Variants in ANKS1B observed in about 807,000 individuals in gnomAD.
ANKS1B encodes ankyrin repeat and sterile alpha motif domain-containing protein 1B.
Under a neutral mutation model 148.3 loss-of-function variants are expected in ANKS1B, and 36 were observed. The ratio of observed to expected loss-of-function variants is 0.24; its 90% CI spans 0.19 to 0.32. The LOEUF (loss-of-function observed/expected upper bound fraction) is 0.32. ANKS1B is among the 10% of genes least tolerant of loss of function. ANKS1B has a pLI of 1.00. For missense variants in ANKS1B, 1,157 were observed against 1,542.6 expected (o/e 0.75, Z 4.19); for synonymous variants, 542 against 560.8 (o/e 0.97, Z 0.47).
chr12:99,853,744 A>G (rs1320696965), intron 1 of ANKS1B, among the ~76,000 whole-genome samples: 1 of 152,236 alleles, frequency 6.6e-6, no homozygotes, highest in Non-Finnish European at 1.5e-5. Flanking sequence ...TGTCAGAAAA[A>G]GAATTCAGAA....
chr12:99,316,582 T>C (rs985017693), intron 12 of ANKS1B, among the ~76,000 whole-genome samples: 11 of 152,210 alleles, frequency 7.2e-5, no homozygotes, highest in African/African-American at 2.7e-4. Context: ...CTTTGTCAGA[T>C]GAGTAGGTTG....
At chr12:99,381,564 G>A (rs1213439177) in intron 12 of ANKS1B, among the ~76,000 whole-genome samples, 6 of 152,190 alleles carry the variant, frequency 3.9e-5, no homozygotes, top group Non-Finnish European at 8.8e-5. Flanking sequence ...GGTTTCAAGG[G>A]TTAAGTGCAG....
intron 14 of ANKS1B, among the ~76,000 whole-genome samples, chr12:99,166,335 T>G (rs566964122): frequency 6.6e-6 from 1 of 152,040 alleles, no homozygotes; most frequent in East Asian, 1.9e-4. Flanking sequence ...AACTGCTTCT[T>G]GCTTCTATTC....
chr12:99,807,396 A>T (rs961015748), intron 3 of ANKS1B, among the ~76,000 whole-genome samples: 4 of 152,170 alleles, frequency 2.6e-5, no homozygotes, highest in Admixed American at 2.0e-4. Flanking sequence ...CAAGATTTTT[A>T]AAAATGTTAA....
intron 17 of ANKS1B, among the ~76,000 whole-genome samples, chr12:99,031,109 G>A (rs73386545): frequency 6.6e-6 from 1 of 152,082 alleles, no homozygotes; most frequent in Non-Finnish European, 1.5e-5. Flanking sequence ...TGCTACTAAC[G>A]TAAAATGCCT....
chr12:99,685,602 T>C (rs2098644816), intron 8 of ANKS1B, among the ~76,000 whole-genome samples: 1 of 152,072 alleles, frequency 6.6e-6, no homozygotes, highest in South Asian at 2.1e-4. Flanking sequence ...GAAAAAGAAG[T>C]CATTATATGA....
chr12:98,807,329 C>T (rs900586909), intron 20 of ANKS1B, among the ~76,000 whole-genome samples: 5 of 152,110 alleles, frequency 3.3e-5, no homozygotes, highest in African/African-American at 7.2e-5. Flanking sequence ...AACCGTGCCT[C>T]TCCCAGCTCA....
chr12:99,240,155 T>C (rs184894041), intron 14 of ANKS1B, among the ~76,000 whole-genome samples: 1 of 152,240 alleles, frequency 6.6e-6, no homozygotes, highest in Non-Finnish European at 1.5e-5. Flanking sequence ...CAGTGTGCTG[T>C]ATTCAGGAGA....
At chr12:99,839,984 T>C (rs898144317) in intron 1 of ANKS1B, among the ~76,000 whole-genome samples, 1 of 152,168 alleles carries the variant, frequency 6.6e-6, no homozygotes, top group Non-Finnish European at 1.5e-5. Context: ...GTATCCACTA[T>C]ATACAGGCAC....
Position 99,246,172 on chromosome 12 carries a change from T to C in ANKS1B, c.2346+103A>G, listed in dbSNP as rs1602032625. ...TTCCAGTTGGAGCCGTATGCTTTTT[T>C]TTTTCTTGCTTTTGAAAGAGCTAAA... On this transcript the variant is annotated intron_variant, in intron 13 of 26. Coordinates refer to ENST00000683438, the MANE Select transcript of ANKS1B (RefSeq NM_001352186.2). 9.3e-6 allele frequency: 8 copies of C among 856,508 alleles called. No homozygotes were observed. The South Asian group carries it at 1.1e-4, about 12-fold the overall frequency. 53.1% of individuals were successfully genotyped at this position (856,508 alleles called of 1,614,324 possible). A position where few individuals can be genotyped will look rare whatever the true frequency, so the allele number is the denominator to read the frequency against.
chr12:99,796,152 C>T (rs1472698682), intron 4 of ANKS1B, among the ~76,000 whole-genome samples: 1 of 151,916 alleles, frequency 6.6e-6, no homozygotes, highest in Non-Finnish European at 1.5e-5. Flanking sequence ...AACAGTCGAT[C>T]TGATAATCAA....
intron 10 of ANKS1B, among the ~76,000 whole-genome samples, chr12:99,502,894 C>A (rs908066259): frequency 5.3e-5 from 8 of 152,146 alleles, no homozygotes; most frequent in African/African-American, 1.9e-4. Context: ...TTCACTTGTA[C>A]AAAATTCCCT....
chr12:99,158,694 G>C (rs190590138), intron 14 of ANKS1B, among the ~76,000 whole-genome samples: 2 of 117,608 alleles, frequency 1.7e-5, no homozygotes, highest in East Asian at 5.6e-4. Context: ...TCCAAAGACA[G>C]ACACTAAAAC....
At chr12:99,381,058 A>AATAATTTCAGAGGAGGCTCACAAC (rs1309400235) in intron 12 of ANKS1B, among the ~76,000 whole-genome samples, 1 of 152,070 alleles carries the variant, frequency 6.6e-6, no homozygotes, top group African/African-American at 2.4e-5. Context: ...ATGCTGCCAC[A>AATAATTTCAGAGGAGGCTCACAAC]AGAGGAGGAA....
At chr12:99,575,000 T>C (rs1402510993) in intron 9 of ANKS1B, among the ~76,000 whole-genome samples, 1 of 152,104 alleles carries the variant, frequency 6.6e-6, no homozygotes, top group Non-Finnish European at 1.5e-5. Flanking sequence ...ACAGACATTA[T>C]TATCACCTAC....
chr12:99,171,792 G>A (rs2077791635), intron 14 of ANKS1B, among the ~76,000 whole-genome samples: 13 of 152,088 alleles, frequency 8.5e-5, no homozygotes, highest in Admixed American at 8.5e-4. Flanking sequence ...AAGGTTGCTG[G>A]CAAGTGTTTG....
chr12:99,462,276 C>T (rs2095991358), intron 10 of ANKS1B, among the ~76,000 whole-genome samples: 3 of 152,190 alleles, frequency 2.0e-5, no homozygotes, highest in South Asian at 2.1e-4. Context: ...AGGCCATGCC[C>T]CCTTCCAGGT....
intron 4 of ANKS1B, among the ~76,000 whole-genome samples, chr12:99,804,351 G>C (rs1297470471): frequency 6.6e-6 from 1 of 152,176 alleles, no homozygotes. Context: ...TTTGAGGAGA[G>C]AGACTGTTTT....
At chr12:98,963,839 C>T (rs139143360) in intron 17 of ANKS1B, among the ~76,000 whole-genome samples, 1 of 152,258 alleles carries the variant, frequency 6.6e-6, no homozygotes, top group African/African-American at 2.4e-5. Flanking sequence ...GTGGCTCATG[C>T]CTGTAATCCT....
Sources: allele counts gnomAD v4.1 joint callset (sites outside exome capture counted in the v4.1 genomes callset), GRCh38; gene constraint gnomAD v4.1.1; transcripts MANE v1.5; gene names NCBI Gene and HGNC (gene_info 2026-07-23, HGNC 2026-07-21).